The following ESR1 variants were observed in gnomAD, a reference collection of about 807,000 sequenced individuals.
ESR1 encodes the protein estrogen receptor.
ESR1 carries 12 observed loss-of-function variants against 52.7 expected under a neutral mutation model. That is an observed-to-expected ratio of 0.23 (90% CI 0.15 to 0.37). ESR1 has a LOEUF of 0.37. Among genes scored for constraint, ESR1 ranks in the 10% least tolerant of loss-of-function variants. ESR1 has a pLI of 1.00. For synonymous variants in ESR1, 305 were observed against 316.8 expected, an observed-to-expected ratio of 0.96 and a Z score of 0.39; for missense variants, 584 against 779.7, an observed-to-expected ratio of 0.75 and a Z score of 2.99.
chr6:151,832,739 T>G (rs1483599077), intron 1 of ESR1, among the ~76,000 whole-genome samples: 1 of 152,226 alleles, frequency 6.6e-6, no homozygotes, highest in African/African-American at 2.4e-5. Flanking sequence ...CCAGGTGCTT[T>G]ATGTGTCTCT....
chr6:151,974,199 A>G (rs573767749), intron 4 of ESR1, among the ~76,000 whole-genome samples: 2 of 152,364 alleles, frequency 1.3e-5, no homozygotes, highest in African/African-American at 4.8e-5. Context: ...TGTACTGAAC[A>G]GGAAATGAAC....
chr6:151,960,788 G>A (rs1169990686), intron 4 of ESR1, among the ~76,000 whole-genome samples: 3 of 152,176 alleles, frequency 2.0e-5, no homozygotes, highest in Admixed American at 1.3e-4. Flanking sequence ...AGCTAGGACA[G>A]GCTCTAGCAA....
chr6:151,843,151 A>T (rs9340807), intron 2 of ESR1, among the ~76,000 whole-genome samples: 3,562 of 152,322 alleles, frequency 0.023, 131 homozygotes, highest in East Asian at 0.16. Flanking sequence ...AACTTTGCCT[A>T]TATGATCTGG....
At chr6:151,815,365 T>C (rs951257561) in intron 1 of ESR1, among the ~76,000 whole-genome samples, 2 of 152,230 alleles carry the variant, frequency 1.3e-5, no homozygotes, top group Non-Finnish European at 2.9e-5. Context: ...GAGGAATCCC[T>C]GAGCACTGGT....
At chr6:151,850,120 A>ATATATTATTT (rs1786358724) in intron 2 of ESR1, among the ~76,000 whole-genome samples, 20 of 142,900 alleles carry the variant, frequency 1.4e-4, no homozygotes, top group African/African-American at 3.3e-4. Context: ...AAAATTATAT[A>ATATATTATTT]TATATGTCTG....
At chr6:152,115,289 T>A (rs2051197396) in intron 6 of ESR1, among the ~76,000 whole-genome samples, 3 of 152,206 alleles carry the variant, frequency 2.0e-5, no homozygotes, top group South Asian at 4.1e-4. Flanking sequence ...TACTGAATAC[T>A]AGGTATGCAC....
At chr6:151,751,957 G>A (rs911061261) in intron 2 of ESR1, among the ~76,000 whole-genome samples, 1 of 152,144 alleles carries the variant, frequency 6.6e-6, no homozygotes, top group South Asian at 2.1e-4. Flanking sequence ...TGAGAGGTCC[G>A]CATTTTCTTG....
intron 4 of ESR1, among the ~76,000 whole-genome samples, chr6:151,948,818 A>C (rs141596928): frequency 1.5e-3 from 224 of 152,274 alleles, no homozygotes; most frequent in African/African-American, 5.1e-3. Flanking sequence ...TGTGTGAGTT[A>C]TTCCAGGGCT....
At chr6:152,078,366 C>G (rs545935475) in intron 6 of ESR1, among the ~76,000 whole-genome samples, 1 of 152,224 alleles carries the variant, frequency 6.6e-6, no homozygotes, top group African/African-American at 2.4e-5. Flanking sequence ...GACGGCCTTT[C>G]TTTTCACAGA....
intron 2 of ESR1, among the ~76,000 whole-genome samples, chr6:151,849,113 T>G (rs758238963): frequency 6.6e-6 from 1 of 152,130 alleles, no homozygotes; most frequent in South Asian, 2.1e-4. Context: ...AGAAGTAGTG[T>G]TACCCTTCCA....
intron 5 of ESR1, among the ~76,000 whole-genome samples, chr6:152,020,456 T>C (rs1477826704): frequency 1.3e-5 from 2 of 152,090 alleles, no homozygotes; most frequent in Non-Finnish European, 2.9e-5. Flanking sequence ...TTTTTTTTGT[T>C]TGTTTGTTTT....
At chr6:151,775,506 G>A (rs1785884935) in intron 2 of ESR1, among the ~76,000 whole-genome samples, 1 of 152,098 alleles carries the variant, frequency 6.6e-6, no homozygotes, top group South Asian at 2.1e-4. Flanking sequence ...CCAGCACTTT[G>A]GGAAGCCGAA....
chr6:151,913,580 G>A (rs900825148), intron 3 of ESR1, among the ~76,000 whole-genome samples: 1 of 152,124 alleles, frequency 6.6e-6, no homozygotes, highest in African/African-American at 2.4e-5. Flanking sequence ...TCATAATTGT[G>A]ATTATTACAA....
chr6:151,769,972 G>T (rs563143498), intron 2 of ESR1, among the ~76,000 whole-genome samples: 1 of 150,924 alleles, frequency 6.6e-6, no homozygotes, highest in East Asian at 2.0e-4. Flanking sequence ...AGGTTGCAGT[G>T]AGCCAAGATC....
downstream of ESR1, among the ~76,000 whole-genome samples, chr6:152,104,934 G>A (rs2051044619): frequency 6.6e-6 from 1 of 151,284 alleles, no homozygotes; most frequent in Non-Finnish European, 1.5e-5. Context: ...GATCATCAGT[G>A]GCCACTGATG....
chr6:151,800,594 C>T (rs1777141454), upstream of ESR1, among the ~76,000 whole-genome samples: 1 of 152,102 alleles, frequency 6.6e-6, no homozygotes, highest in Non-Finnish European at 1.5e-5. Context: ...CTGTCCTCCT[C>T]CTTCTACCTC....
At chr6:151,731,184 C>T (rs1782210055) in intron 2 of ESR1, among the ~76,000 whole-genome samples, 1 of 151,972 alleles carries the variant, frequency 6.6e-6, no homozygotes, top group Non-Finnish European at 1.5e-5. Context: ...AGTGAAACCC[C>T]CGTGTCTACT....
intron 4 of ESR1, among the ~76,000 whole-genome samples, chr6:151,955,656 T>C (rs568731908): frequency 1.3e-5 from 2 of 151,782 alleles, no homozygotes; most frequent in South Asian, 4.1e-4. Flanking sequence ...ATAATAATAG[T>C]ACAAACAGTT....
At chr6:152,111,536 G>C (rs1206885985) in intron 6 of ESR1, among the ~76,000 whole-genome samples, 1 of 152,346 alleles carries the variant, frequency 6.6e-6, no homozygotes, top group South Asian at 2.1e-4. Flanking sequence ...GCCAGTGAAA[G>C]GTTTGTGAGC....
Sources: allele counts gnomAD v4.1 joint callset (sites outside exome capture counted in the v4.1 genomes callset), GRCh38; gene constraint gnomAD v4.1.1; transcripts MANE v1.5; gene names NCBI Gene and HGNC (gene_info 2026-07-23, HGNC 2026-07-21).